TRRAP: variants seen among roughly 807,000 people sequenced by gnomAD.
TRRAP encodes the protein transformation/transcription domain associated protein, also known as transformation/transcription domain-associated protein.
A neutral mutation model predicts 438.8 loss-of-function variants in TRRAP; 41 were observed. The ratio of observed to expected loss-of-function variants is 0.09; its 90% CI spans 0.07 to 0.12. The LOEUF (loss-of-function observed/expected upper bound fraction) is 0.12. Ranked by LOEUF, TRRAP falls within the 10% of genes least tolerant of loss-of-function variation. TRRAP has a pLI of 1.00. For synonymous variants in TRRAP, 1,994 were observed against 1,962.9 expected (o/e 1.02, Z -0.42); for missense variants, 3,122 against 5,055.1 (o/e 0.62, Z 11.60).
At chr7:98,906,691 C>T (rs1053256225) in intron 13 of TRRAP, among the ~76,000 whole-genome samples, 3 of 152,014 alleles carry the variant, frequency 2.0e-5, no homozygotes, top group African/African-American at 7.2e-5. Context: ...CCTCAGCCTC[C>T]CACAGTGCTG....
intron 27 of TRRAP, among the ~76,000 whole-genome samples, chr7:98,934,335 G>GA (rs1175015330): frequency 6.6e-6 from 1 of 152,170 alleles, no homozygotes; most frequent in Non-Finnish European, 1.5e-5. Flanking sequence ...TTTACCTCTT[G>GA]ACATTTTAAG....
Position 98,983,248 on chromosome 7 carries a change from A to G in TRRAP, c.8827-16A>G, listed in dbSNP as rs1793012396. 1 of 1,603,482 alleles carries G rather than the reference A, an allele frequency of 6.2e-7. No individual in the cohort carries two copies. Among genetic ancestry groups the G allele is most frequent in the Non-Finnish European group, 8.5e-7 (1 of 1,173,492 alleles). ...ACTGACATTTACCGCAGAGTCTCTT[A>G]TGCTGGTCCCATCAGGCAGCCCAGC... On this transcript the variant is annotated splice_polypyrimidine_tract_variant and intron_variant, in intron 59 of 72. Transcript: ENST00000456197.
intron 3 of TRRAP, among the ~76,000 whole-genome samples, chr7:98,884,956 A>T (rs1562924183): frequency 6.6e-6 from 1 of 152,174 alleles, no homozygotes; most frequent in South Asian, 2.1e-4. Context: ...TCATAGACAG[A>T]TGAGAAAGTC....
chr7:98,964,393 A>G (rs547799320), intron 47 of TRRAP, among the ~76,000 whole-genome samples: 225 of 152,344 alleles, frequency 1.5e-3, no homozygotes, highest in Non-Finnish European at 2.5e-3. Context: ...CGTTGTTTCT[A>G]CTGAAGCACA....
rs1554411731 is a variant in TRRAP, at chr7:98,927,194, TATC to T, written c.3007_3009del (p.Ile1003del). 4 of 1,614,226 alleles carry T rather than the reference TATC, an allele frequency of 2.5e-6. No homozygotes were observed. Among genetic ancestry groups the T allele is most frequent in the Non-Finnish European group, 3.4e-6 (4 of 1,180,044 alleles). On this transcript the variant is annotated inframe_deletion, in exon 23 of 73. Transcript: ENST00000456197. ...TTACAGAAAAGACCATCCCCAATGT[TATC>T]ATCTCACATCGCTACAAAGCCCAGG... is the stretch of plus-strand genomic sequence containing the variant.
At chr7:99,000,133 G>A (rs219830) in intron 67 of TRRAP, among the ~76,000 whole-genome samples, 27 of 152,046 alleles carry the variant, frequency 1.8e-4, no homozygotes, top group Non-Finnish European at 1.5e-4. Context: ...TCAGCCTCCC[G>A]AGTAGCTGGG....
At chr7:98,914,030 CT>C (rs1396080799) in intron 18 of TRRAP, among the ~76,000 whole-genome samples, 1 of 152,154 alleles carries the variant, frequency 6.6e-6, no homozygotes, top group East Asian at 1.9e-4. Flanking sequence ...CTGTGCTTTC[CT>C]TGTTTTCTTT....
intron 46 of TRRAP, 96 bp downstream of exon 46, chr7:98,961,570 C>G (rs1421019736): frequency 7.0e-7 from 1 of 1,419,478 alleles, no homozygotes; most frequent in East Asian, 2.3e-5. Flanking sequence ...TTGTGTCGAG[C>G]GCTTTGTTAT....
chr7:98,893,832 G>A lies in TRRAP; in HGVS notation c.401G>A (p.Arg134Lys). ...ENEENVLICL[R>K]IIIELHKQFR... ...GAAGAAAATGTTCTTATTTGTCTAA[G>A]AATAATTATTGAGCTACACAAACAG... The change falls in exon 6 of 73, where the codon AGA becomes AAA. Residue 134 changes from arginine (R) to lysine (K), a missense_variant. Arg to Lys is a conservative substitution (Grantham distance 26). Coordinates refer to ENST00000456197, the MANE Select transcript of TRRAP (RefSeq NM_001375524.1). 6.2e-7 allele frequency: 1 copy of A among 1,613,656 alleles called. No individual in the cohort carries two copies.
chr7:98,943,050 C>T, intron 31 of TRRAP, 33 bp downstream of exon 31: 1 of 1,612,728 alleles, frequency 6.2e-7, no homozygotes. Context: ...GGAAGGGCAC[C>T]AGCCGCCATG....
At chr7:98,925,047 G>A in intron 21 of TRRAP, 65 bp from the exon 22 acceptor site, 1 of 1,542,228 alleles carries the variant, frequency 6.5e-7, no homozygotes, top group Non-Finnish European at 8.7e-7. Context: ...GATGCTTTCA[G>A]TGAAAGCTTT....
At chr7:98,912,413 C>A (rs1789316261) in intron 18 of TRRAP, among the ~76,000 whole-genome samples, 200 bp downstream of exon 18, 1 of 150,396 alleles carries the variant, frequency 6.6e-6, no homozygotes, top group South Asian at 2.1e-4. Context: ...TTCTTATTTT[C>A]ACTTTTAAAC....
At position 98,983,791 on chromosome 7, in the gene TRRAP, G is replaced by A. The variant is rs567932657; in HGVS notation, c.9023-302G>A. Among the ~76,000 whole-genome samples the A allele has an allele frequency of 7.2e-5, 11 of 152,266 alleles. No individual in the cohort carries two copies. The South Asian group carries it at 1.7e-3, about 23-fold the overall frequency. On this transcript the variant is annotated intron_variant, in intron 60 of 72. Transcript: ENST00000456197. The stretch of plus-strand genomic sequence containing the variant: ...ACGAGTTGTGCTCAGGTGGCTCTGC[G>A]TGGCCTTTTCTGGTTTTCCTGGTCC...
At chr7:98,964,575 G>A in intron 47 of TRRAP, 54 bp from the exon 48 acceptor site, 1 of 1,590,244 alleles carries the variant, frequency 6.3e-7, no homozygotes, top group South Asian at 1.1e-5. Flanking sequence ...CTTTCACTCT[G>A]TTTTTCGTGG....
chr7:98,911,037 A>C (rs1789245804), intron 16 of TRRAP, 40 bp from the exon 17 acceptor site: 1 of 1,578,800 alleles, frequency 6.3e-7, no homozygotes, highest in Non-Finnish European at 8.6e-7. Context: ...AGAGAGGTTC[A>C]GTTTTAATGC....
At chr7:98,959,566 G>A in intron 45 of TRRAP, 76 bp downstream of exon 45, 1 of 1,551,626 alleles carries the variant, frequency 6.4e-7, no homozygotes, top group Middle Eastern at 1.9e-4. Flanking sequence ...GGCAGGGACT[G>A]GACATTTGTG....
At chr7:98,888,099 G>A (rs1284096091) in intron 3 of TRRAP, among the ~76,000 whole-genome samples, 19 of 151,924 alleles carry the variant, frequency 1.3e-4, no homozygotes, top group African/African-American at 3.9e-4. Flanking sequence ...GCCTGGTGGC[G>A]GGCGCCTGTA....
At chr7:98,938,562 T>C (rs1790659185) in intron 30 of TRRAP, among the ~76,000 whole-genome samples, 1 of 151,620 alleles carries the variant, frequency 6.6e-6, no homozygotes, top group African/African-American at 2.4e-5. Flanking sequence ...GGGTACAATA[T>C]ATATATACAC....
chr7:98,935,874 G>A (rs541543068), intron 28 of TRRAP, among the ~76,000 whole-genome samples, 199 bp downstream of exon 28: 3 of 152,322 alleles, frequency 2.0e-5, no homozygotes, highest in Non-Finnish European at 4.4e-5. Context: ...GTGTTGTTAG[G>A]ATTGAAGTAA....
Sources: allele counts gnomAD v4.1 joint callset (sites outside exome capture counted in the v4.1 genomes callset), GRCh38; gene constraint gnomAD v4.1.1; transcripts MANE v1.5; gene names NCBI Gene and HGNC (gene_info 2026-07-23, HGNC 2026-07-21).